The following SDK1 variants were observed in gnomAD, a reference collection of about 807,000 sequenced individuals.
The protein encoded by SDK1 is sidekick cell adhesion molecule 1, also known as protein sidekick-1.
A neutral mutation model predicts 245.5 loss-of-function variants in SDK1; 157 were observed. The observed-to-expected ratio is 0.64, with a 90% confidence interval of 0.56 to 0.73. The LOEUF (loss-of-function observed/expected upper bound fraction) is 0.73, where lower values mean the gene tolerates loss of function less well. Among genes scored for constraint, SDK1 ranks in the 30% least tolerant of loss-of-function variants. The pLI, the probability that SDK1 is intolerant of heterozygous loss-of-function variation, is 0.00. For missense variants in SDK1, 3,583 were observed against 3,002.3 expected, an observed-to-expected ratio of 1.19 and a Z score of -4.52; for synonymous variants, 1,647 against 1,278.5, an observed-to-expected ratio of 1.29 and a Z score of -6.15.
At chr7:3,385,754 TG>T (rs1781594792) in intron 1 of SDK1, among the ~76,000 whole-genome samples, 1 of 152,148 alleles carries the variant, frequency 6.6e-6, no homozygotes, top group Non-Finnish European at 1.5e-5. Context: ...ATTAGTGAGG[TG>T]AGATGGAGAT....
chr7:3,919,274 T>C (rs530602997), intron 5 of SDK1, among the ~76,000 whole-genome samples: 218 of 152,330 alleles, frequency 1.4e-3, no homozygotes, highest in African/African-American at 4.9e-3. Flanking sequence ...TTAGTTCCTC[T>C]GCCAAGGCAA....
chr7:3,345,960 T>A (rs1304562456), intron 1 of SDK1, among the ~76,000 whole-genome samples: 1 of 152,212 alleles, frequency 6.6e-6, no homozygotes, highest in Non-Finnish European at 1.5e-5. Flanking sequence ...TTGTTTTCTG[T>A]CTTTTAAGCA....
chr7:3,316,897 G>T (rs910423169), intron 1 of SDK1, among the ~76,000 whole-genome samples: 8 of 151,990 alleles, frequency 5.3e-5, no homozygotes, highest in African/African-American at 1.9e-4. Flanking sequence ...AGGGTCTGGG[G>T]GTCTGGGTAC....
chr7:3,483,762 A>G (rs1781590860), intron 1 of SDK1, among the ~76,000 whole-genome samples: 1 of 152,168 alleles, frequency 6.6e-6, no homozygotes, highest in Non-Finnish European at 1.5e-5. Context: ...TATTTATTTC[A>G]GTCTCTGATA....
chr7:4,014,625 G>T (rs1192485275), intron 16 of SDK1, among the ~76,000 whole-genome samples: 4 of 152,248 alleles, frequency 2.6e-5, no homozygotes, highest in African/African-American at 9.6e-5. Context: ...GCCATAAGAA[G>T]TAGTTAGGAC....
chr7:4,141,850 G>A (rs12701431), intron 28 of SDK1, among the ~76,000 whole-genome samples: 80,420 of 151,936 alleles, frequency 0.53, 22,130 homozygotes, highest in East Asian at 0.85. Flanking sequence ...TCCGCCTCCC[G>A]GGTTCAAGTG....
chr7:4,074,916 A>ATATATATT (rs1434239449), intron 20 of SDK1, among the ~76,000 whole-genome samples: 8 of 64,604 alleles, frequency 1.2e-4, no homozygotes, highest in Non-Finnish European at 1.5e-4. Flanking sequence ...ATATATATAT[A>ATATATATT]TTTTTTTTTT....
At chr7:4,001,706 A>T (rs1785087703) in intron 14 of SDK1, among the ~76,000 whole-genome samples, 1 of 152,238 alleles carries the variant, frequency 6.6e-6, no homozygotes, top group Admixed American at 6.5e-5. Flanking sequence ...AAGGATATCA[A>T]AATGTATTTA....
intron 13 of SDK1, among the ~76,000 whole-genome samples, chr7:3,984,836 A>G (rs756233294): frequency 6.0e-4 from 92 of 152,310 alleles, no homozygotes; most frequent in Non-Finnish European, 1.1e-3. Flanking sequence ...CCCAGAACCA[A>G]TGTCAAAAAG....
intron 32 of SDK1, among the ~76,000 whole-genome samples, chr7:4,169,555 C>A (rs1360949685): frequency 6.6e-6 from 1 of 152,342 alleles, no homozygotes; most frequent in African/African-American, 2.4e-5. Flanking sequence ...AGCTCGCCGT[C>A]TCTGAGGCTT....
chr7:3,609,139 T>G (rs1781511878), intron 1 of SDK1, among the ~76,000 whole-genome samples: 1 of 152,242 alleles, frequency 6.6e-6, no homozygotes, highest in South Asian at 2.1e-4. Context: ...TTTGATTTTT[T>G]AAGGAATTAA....
Position 4,220,164 on chromosome 7 carries a change from G to T in SDK1, c.5595G>T (p.Lys1865Asn). 1 of 1,614,106 alleles carries T rather than the reference G, an allele frequency of 6.2e-7. No homozygotes were observed. The highest frequency in any genetic ancestry group is 8.5e-7 in the Non-Finnish European group (1 of 1,180,012). The change falls in exon 39 of 45, where the codon AAG becomes AAT. Residue 1865 changes from lysine to asparagine, a missense_variant. Physicochemically the swap from Lys to Asn is moderately conservative, Grantham distance 94 (BLOSUM62 0). Coordinates refer to ENST00000404826, the MANE Select transcript of SDK1 (RefSeq NM_152744.4). Reference sequence around the variant, plus strand: ...GAGGGAACTGGCAGCGCTGGCTGAAGGTGCGGGACCTCACCAAGGGAGTGA... The same window carrying T: ...GAGGGAACTGGCAGCGCTGGCTGAATGTGCGGGACCTCACCAAGGGAGTGA... ...EVRGNWQRWL[K>N]VRDLTKGVTY...
chr7:3,668,126 A>G (rs532709989), intron 4 of SDK1, among the ~76,000 whole-genome samples: 1 of 152,332 alleles, frequency 6.6e-6, no homozygotes, highest in South Asian at 2.1e-4. Context: ...TAGACATGCA[A>G]GCCATTCTCA....
At chr7:3,714,198 G>A (rs1785133861) in intron 4 of SDK1, among the ~76,000 whole-genome samples, 1 of 152,150 alleles carries the variant, frequency 6.6e-6, no homozygotes, top group Non-Finnish European at 1.5e-5. Flanking sequence ...CAGAGGGACG[G>A]GAAAAACTCA....
At chr7:3,865,152 C>T (rs1780790677) in intron 5 of SDK1, among the ~76,000 whole-genome samples, 1 of 152,112 alleles carries the variant, frequency 6.6e-6, no homozygotes, top group Non-Finnish European at 1.5e-5. Context: ...TGATGAACGT[C>T]CACAGAGATG....
chr7:3,528,763 C>G (rs1186960776), intron 1 of SDK1, among the ~76,000 whole-genome samples: 3 of 151,916 alleles, frequency 2.0e-5, no homozygotes, highest in African/African-American at 4.8e-5. Flanking sequence ...AGAGGTGAAC[C>G]TACATTTTGC....
chr7:4,233,413 G>A lies in SDK1; in HGVS notation c.5986G>A (p.Val1996Met), dbSNP rs923064651. ...YGEPSNPSTA[V>M]SAQVEAPFYE... is the part of the protein sequence containing the mutation. ...GGAGCCCAGCAACCCCTCCACGGCT[G>A]TGTCAGGTAGGCCCTCCCAGGGAGG... Residue 1996 changes from valine (V) to methionine (M), a missense_variant, in exon 41 of 45, where the codon GTG becomes ATG. Coordinates refer to ENST00000404826, the MANE Select transcript of SDK1 (RefSeq NM_152744.4). 3 of 1,611,708 alleles carry A rather than the reference G, an allele frequency of 1.9e-6. No individual in the cohort carries two copies. In the African/African-American group the frequency reaches 4.0e-5, roughly 22 times the overall value.
At chr7:4,088,289 G>T (rs1447211406) in intron 22 of SDK1, among the ~76,000 whole-genome samples, 1 of 152,076 alleles carries the variant, frequency 6.6e-6, no homozygotes, top group African/African-American at 2.4e-5. Context: ...TTCTTCCTTT[G>T]AATTTTTTAT....
intron 1 of SDK1, among the ~76,000 whole-genome samples, chr7:3,596,304 A>G (rs1781060088): frequency 6.6e-6 from 1 of 152,182 alleles, no homozygotes. Flanking sequence ...TCCTTAGCAC[A>G]ATAATTGGTA....
Sources: gnomAD v4.1 joint callset for allele counts (sites outside exome capture counted in the v4.1 genomes callset) on GRCh38, gnomAD v4.1.1 for gene constraint, MANE v1.5 for transcripts, NCBI Gene and HGNC (gene_info 2026-07-23, HGNC 2026-07-21) for gene names.